Variants in INPP5A observed in about 807,000 individuals in gnomAD.
The protein encoded by INPP5A is inositol polyphosphate-5-phosphatase A, also known as 43 kDa inositol polyphosphate 5-phophatase.
INPP5A carries 14 observed loss-of-function variants against 65.2 expected under a neutral mutation model. The observed-to-expected ratio is 0.21, with a 90% CI of 0.14 to 0.34. The LOEUF is 0.34. Ranked by LOEUF, INPP5A falls within the 10% of genes least tolerant of loss-of-function variation. The pLI is 1.00. For missense variants in INPP5A, 431 were observed against 545.6 expected, an observed-to-expected ratio of 0.79 and a Z score of 2.09; for synonymous variants, 207 against 208.3, an observed-to-expected ratio of 0.99 and a Z score of 0.05.
Position 132,627,398 on chromosome 10 carries a change from G to A in INPP5A, c.118-18470G>A, listed in dbSNP as rs1033214904. 3.9e-5 allele frequency among the ~76,000 whole-genome samples: 6 copies of A among 152,094 alleles called. No individual in the cohort carries two copies. The highest frequency in any genetic ancestry group is 1.9e-4 in the East Asian group (1 of 5,180). On this transcript the variant is annotated intron_variant, in intron 2 of 15. Coordinates refer to ENST00000368594, the MANE Select transcript of INPP5A (RefSeq NM_005539.5). The surrounding 1 kb of genome is among the most constrained non-coding windows in gnomAD (Gnocchi z 6.6). ...TGTCCTGAGAGGGTCTGTCCTGGCC[G>A]CTGAGCAGGTGGGTCTGGAGGGCGG... is the stretch of plus-strand genomic sequence containing the variant.
rs1477410339 is a variant in INPP5A, at chr10:132,637,246, A to T, written c.118-8622A>T. 1.3e-5 allele frequency among the ~76,000 whole-genome samples: 2 copies of T among 152,214 alleles called. No homozygotes were observed. Among genetic ancestry groups the T allele is most frequent in the Non-Finnish European group, 2.9e-5 (2 of 68,040 alleles). Reference sequence around the variant, plus strand: ...AATTGATCTTTTTTACCTGGAGGCCATGAGGATCTTATCTTTATCTTTGAA... The same window carrying T: ...AATTGATCTTTTTTACCTGGAGGCCTTGAGGATCTTATCTTTATCTTTGAA... On this transcript the variant is annotated intron_variant, in intron 2 of 15. Coordinates refer to ENST00000368594, the MANE Select transcript of INPP5A (RefSeq NM_005539.5). The surrounding 1 kb of genome is among the most constrained non-coding windows in gnomAD (Gnocchi z 4.1).
rs759693674 is a variant in INPP5A at position 132,547,980 on chromosome 10, A to G, written c.75+9809A>G. Among the ~76,000 whole-genome samples, 2 of 148,470 alleles carry G rather than the reference A, an allele frequency of 1.3e-5. No individual in the cohort carries two copies. The highest frequency in any genetic ancestry group is 3.0e-5 in the Non-Finnish European group (2 of 67,126). Reference sequence around the variant, plus strand: ...AATGGCGTGATCTCACCTCACTGCGACCTCCGCCTCCCAGGTTCAAGCAGT... The same window carrying G: ...AATGGCGTGATCTCACCTCACTGCGGCCTCCGCCTCCCAGGTTCAAGCAGT... On this transcript the variant is annotated intron_variant, in intron 1 of 15. Coordinates refer to ENST00000368594, the MANE Select transcript of INPP5A (RefSeq NM_005539.5). This position sits in a 1 kb window ranked among gnomAD's most constrained non-coding sequence, Gnocchi z 5.5.
At chr10:132,751,248 G>A (rs1050099370) in intron 11 of INPP5A, among the ~76,000 whole-genome samples, 16 of 152,218 alleles carry the variant, frequency 1.1e-4, no homozygotes, top group Admixed American at 8.5e-4. Flanking sequence ...TCCTGTGCCC[G>A]TCCCTGTCAC....
rs901603906 is a variant in INPP5A, at chr10:132,777,747, C to G, written c.1054C>G (p.Leu352Val). Reference sequence around the variant, plus strand: ...GTGCCCAGCCTGGTGTGACCGCATCCTCATGTCCCCGTCTGCCAAGGAGCT... The same window carrying G: ...GTGCCCAGCCTGGTGTGACCGCATCGTCATGTCCCCGTCTGCCAAGGAGCT... ...TRCPAWCDRILMSPSAKELVL... is the reference protein window; with the variant it reads ...TRCPAWCDRIVMSPSAKELVL... Residue 352 changes from leucine to valine, a missense_variant, in exon 13 of 16, where the codon CTC becomes GTC. Leu to Val is a conservative substitution (Grantham distance 32). Coordinates refer to ENST00000368594, the MANE Select transcript of INPP5A (RefSeq NM_005539.5). The G allele has an allele frequency of 1.2e-6, 2 of 1,613,120 alleles. No homozygotes were observed. The highest frequency in any genetic ancestry group is 4.5e-5 in the East Asian group (2 of 44,880).
chr10:132,684,621 C>T (rs2073092317), intron 4 of INPP5A, among the ~76,000 whole-genome samples: 2 of 152,230 alleles, frequency 1.3e-5, no homozygotes, highest in Admixed American at 6.5e-5. Context: ...CCTGTCTTCT[C>T]ATTTCTCCTG....
chr10:132,592,904 A>G (rs1172440488), intron 1 of INPP5A, among the ~76,000 whole-genome samples: 7 of 151,222 alleles, frequency 4.6e-5, no homozygotes, highest in African/African-American at 1.5e-4. Context: ...CTCAGGTCTC[A>G]CGCGGCTGCA....
chr10:132,574,611 C>CT (rs971830036), intron 1 of INPP5A, among the ~76,000 whole-genome samples: 15 of 138,794 alleles, frequency 1.1e-4, no homozygotes, highest in African/African-American at 1.6e-4. Context: ...TCTTTTTTTT[C>CT]TTTTTTTTTT....
rs767205921 is a variant in INPP5A, at chr10:132,616,427, G to A, written c.117+8471G>A. Among the ~76,000 whole-genome samples, 1 of 152,132 alleles carries A rather than the reference G, an allele frequency of 6.6e-6. No homozygotes were observed. Among genetic ancestry groups the A allele is most frequent in the Non-Finnish European group, 1.5e-5 (1 of 68,008 alleles). ...GCGGGGACGCCGTGGGCGTGGTGTG[G>A]GATATGTGGTATTGGGAACATGGTG... On this transcript the variant is annotated intron_variant, in intron 2 of 15. Coordinates refer to ENST00000368594, the MANE Select transcript of INPP5A (RefSeq NM_005539.5). This position sits in a 1 kb window ranked among gnomAD's most constrained non-coding sequence, Gnocchi z 4.9.
In INPP5A at chr10:132,654,822, G is replaced by A. The variant is rs143206196; in HGVS notation, c.306+4317G>A. ...AGAAGGCGATTGAACCTGAAGCTGC[G>A]CCTGGCGCGTGAGCCTGTGGGGGGG... is the stretch of plus-strand genomic sequence containing the variant. On this transcript the variant is annotated intron_variant, in intron 4 of 15. Coordinates refer to ENST00000368594, the MANE Select transcript of INPP5A (RefSeq NM_005539.5). Among the ~76,000 whole-genome samples the A allele has an allele frequency of 5.5e-3, 843 of 152,332 alleles. 7 individuals carry two copies. Among genetic ancestry groups the A allele is most frequent in the Middle Eastern group, 0.017 (5 of 294 alleles).
intron 1 of INPP5A, among the ~76,000 whole-genome samples, chr10:132,553,775 G>A (rs553725680): frequency 8.7e-5 from 13 of 149,900 alleles, no homozygotes; most frequent in Non-Finnish European, 1.8e-4. Flanking sequence ...GTAGGATAGG[G>A]AGGGAGGATT....
intron 1 of INPP5A, among the ~76,000 whole-genome samples, chr10:132,541,027 G>A (rs1311964299): frequency 6.8e-6 from 1 of 146,148 alleles, no homozygotes; most frequent in Non-Finnish European, 1.5e-5. Flanking sequence ...GTCTCATTCT[G>A]TCGCCCAGGC....
chr10:132,714,277 C>CGT (rs1845701219), intron 8 of INPP5A, among the ~76,000 whole-genome samples: 1 of 152,192 alleles, frequency 6.6e-6, no homozygotes, highest in Non-Finnish European at 1.5e-5. Flanking sequence ...ACCTCCGCGG[C>CGT]GTGGGGCGGG....
At chr10:132,654,505 G>A (rs1465952114) in intron 4 of INPP5A, among the ~76,000 whole-genome samples, 1 of 152,212 alleles carries the variant, frequency 6.6e-6, no homozygotes. Flanking sequence ...TCTTTGCTGG[G>A]GGCCCTCGGG....
chr10:132,734,742 C>T (rs1564990431), intron 9 of INPP5A, among the ~76,000 whole-genome samples: 1 of 152,252 alleles, frequency 6.6e-6, no homozygotes, highest in African/African-American at 2.4e-5. Context: ...CTTCAGTTCT[C>T]CCCCTGCCTG....
rs1335990204 is a variant in INPP5A at position 132,704,046 on chromosome 10, C to G, written c.475-4267C>G. Among the ~76,000 whole-genome samples the G allele has an allele frequency of 6.6e-6, 1 of 151,166 alleles. No homozygotes were observed. The highest frequency in any genetic ancestry group is 2.4e-5 in the African/African-American group (1 of 41,092). On this transcript the variant is annotated intron_variant, in intron 6 of 15. Coordinates refer to ENST00000368594, the MANE Select transcript of INPP5A (RefSeq NM_005539.5). The surrounding 1 kb of genome is among the most constrained non-coding windows in gnomAD (Gnocchi z 4.5). ...ACGCGTGGCTTCACCCCCACACACA[C>G]GCAGCTTCACCCGCATGGGTTCTGA...
rs115235534 is a variant in INPP5A, at chr10:132,686,224, G to A, written c.307-4168G>A. ...GGCTTGGCTTTGTCCAGTGGAGGCCGCTTCCCGGCTGTGCCGTGGCCTCCG... is the reference window on the plus strand; with the variant it reads ...GGCTTGGCTTTGTCCAGTGGAGGCCACTTCCCGGCTGTGCCGTGGCCTCCG... On this transcript the variant is annotated intron_variant, in intron 4 of 15. Coordinates refer to ENST00000368594, the MANE Select transcript of INPP5A (RefSeq NM_005539.5). 3.5e-3 allele frequency among the ~76,000 whole-genome samples: 530 copies of A among 152,354 alleles called. 3 individuals carry two copies. Among genetic ancestry groups the A allele is most frequent in the African/African-American group, 0.012 (498 of 41,586 alleles).
chr10:132,639,340 G>A (rs1489177922), intron 2 of INPP5A, among the ~76,000 whole-genome samples: 4 of 150,890 alleles, frequency 2.7e-5, no homozygotes, highest in African/African-American at 4.9e-5. Context: ...GCACTTTAAA[G>A]GCCTTGTTCC....
intron 1 of INPP5A, among the ~76,000 whole-genome samples, chr10:132,540,447 G>A (rs2070893106): frequency 6.6e-6 from 1 of 152,242 alleles, no homozygotes; most frequent in African/African-American, 2.4e-5. Context: ...AAGGTGCATT[G>A]TGATTTCAGG....
At chr10:132,561,472 T>C (rs1001739751) in intron 1 of INPP5A, among the ~76,000 whole-genome samples, 2 of 152,154 alleles carry the variant, frequency 1.3e-5, no homozygotes, top group Admixed American at 1.3e-4. Flanking sequence ...CTCATTGAAT[T>C]GTCTTGGCAT....
Sources: allele counts gnomAD v4.1 joint callset (sites outside exome capture counted in the v4.1 genomes callset), GRCh38; gene constraint gnomAD v4.1.1; non-coding constraint Gnocchi (gnomAD v3.1); transcripts MANE v1.5; gene names NCBI Gene and HGNC (gene_info 2026-07-23, HGNC 2026-07-21).